Variants in GIT2 observed in about 807,000 individuals in gnomAD.
GIT2 encodes ARF GTPase-activating protein GIT2.
GIT2 carries 32 observed loss-of-function variants against 100.3 expected under a neutral mutation model. The ratio of observed to expected loss-of-function variants is 0.32; its 90% CI spans 0.24 to 0.43. GIT2 has a LOEUF of 0.43. Among genes scored for constraint, GIT2 ranks in the 20% least tolerant of loss-of-function variants. The probability of loss-of-function intolerance (pLI) is 1.00; values close to 1 mark genes in which losing one functional copy is unlikely to be tolerated. For synonymous variants in GIT2, 353 were observed against 364.1 expected, an observed-to-expected ratio of 0.97 and a Z score of 0.35; for missense variants, 737 against 975.1, an observed-to-expected ratio of 0.76 and a Z score of 3.25.
chr12:109,950,272 C>T (rs1485332985), intron 14 of GIT2, among the ~76,000 whole-genome samples: 1 of 152,220 alleles, frequency 6.6e-6, no homozygotes, highest in Non-Finnish European at 1.5e-5. Context: ...GCCACGTCCT[C>T]AGGTCTTGAA....
chr12:109,984,427 TA>T (rs1030312082), intron 4 of GIT2, among the ~76,000 whole-genome samples: 36 of 150,612 alleles, frequency 2.4e-4, no homozygotes, highest in Middle Eastern at 3.4e-3. Context: ...AAATAAAAAA[TA>T]AAAAAAATTT....
chr12:109,936,639 G>A (rs560292268), intron 18 of GIT2, among the ~76,000 whole-genome samples: 78 of 152,258 alleles, frequency 5.1e-4, no homozygotes, highest in African/African-American at 1.8e-3. Flanking sequence ...AGGCTGAGGC[G>A]GGTAGATCAC....
At chr12:109,957,239 G>T (rs1879733477) in intron 12 of GIT2, among the ~76,000 whole-genome samples, 1 of 151,832 alleles carries the variant, frequency 6.6e-6, no homozygotes, top group African/African-American at 2.4e-5. Context: ...TTCCTGCTAG[G>T]ACCTGGTTAT....
rs1467024891 is a variant in GIT2, at chr12:109,943,772, G to A, written c.1731+1488C>T. On this transcript the variant is annotated intron_variant, in intron 16 of 19. Coordinates refer to ENST00000355312, the MANE Select transcript of GIT2 (RefSeq NM_057169.5). ...CACAATCATGGCTCACTGCAGCCTC[G>A]ATCTCTCATGGTGGGCTCAAGTGAT... Among the ~76,000 whole-genome samples the A allele has an allele frequency of 7.3e-5, 11 of 149,982 alleles. No homozygotes were observed. In the South Asian group the frequency reaches 1.9e-3, roughly 26 times the overall value.
At chr12:109,975,140 C>T (rs1040320074) in intron 7 of GIT2, among the ~76,000 whole-genome samples, 1 of 152,138 alleles carries the variant, frequency 6.6e-6, no homozygotes, top group African/African-American at 2.4e-5. Flanking sequence ...TGGTTTTTAA[C>T]TTATTACCTA....
At chr12:109,996,989 A>G (rs1385588391), upstream of GIT2, among the ~76,000 whole-genome samples, 2 of 151,590 alleles carry the variant, frequency 1.3e-5, no homozygotes, top group Admixed American at 1.3e-4. Flanking sequence ...AGGCGGGTGG[A>G]TCACGAGGTC....
chr12:109,977,512 A>AAAT (rs906227028), intron 7 of GIT2, among the ~76,000 whole-genome samples: 1 of 151,880 alleles, frequency 6.6e-6, no homozygotes, highest in African/African-American at 2.4e-5. Context: ...CCCTGTCTCA[A>AAAT]AATAATAATA....
At position 109,967,503 on chromosome 12, in the gene GIT2, T is replaced by A. The variant is rs543737456; in HGVS notation, c.719A>T (p.Asp240Val). Residue 240 changes from aspartate to valine, a missense_variant and splice_region_variant, in exon 8 of 20, where the codon GAT becomes GTT. By Grantham distance (152) the Asp-to-Val change is radical (BLOSUM62 -3). This residue lies in a region of GIT2 where 266 missense variants were observed against 376.2 expected (regional missense o/e 0.71). Transcript: ENST00000355312. ...TATAAAGTGCTGTCCATTTTTGTGA[T>A]CTGAAACAGAAACCAAGTCAAAGTT... ...LAFYLCGRKP[D>V]HKNGQHFIIP... The A allele has an allele frequency of 6.3e-7, 1 of 1,595,692 alleles. No individual in the cohort carries two copies. The highest frequency in any genetic ancestry group is 1.7e-5 in the Admixed American group (1 of 59,978).
intron 7 of GIT2, among the ~76,000 whole-genome samples, chr12:109,979,135 T>C (rs1305920627): frequency 3.3e-5 from 5 of 152,018 alleles, no homozygotes; most frequent in Non-Finnish European, 7.4e-5. Flanking sequence ...GCTGCTGCTA[T>C]TGCAGCCACA....
At position 109,948,172 on chromosome 12, in the gene GIT2, A is replaced by G. The variant is rs79279652; in HGVS notation, c.1393-668T>C. 31 of 979,092 alleles carry G rather than the reference A, an allele frequency of 3.2e-5. No homozygotes were observed. In the East Asian group the frequency reaches 3.3e-3, roughly 104 times the overall value. The allele number at this position is 979,092 out of a possible 1,614,324, so 60.7% of individuals were successfully genotyped here. ...AACCGGATCATGGTAAGTTTGCTAT[A>G]TTAACATATCACGAAGAAAACTGGA... is the stretch of plus-strand genomic sequence containing the variant. On this transcript the variant is annotated intron_variant, in intron 14 of 19. Transcript: ENST00000355312. The surrounding 1 kb of genome is among the most constrained non-coding windows in gnomAD (Gnocchi z 4.3).
chr12:109,973,892 A>C (rs944360833), intron 7 of GIT2, among the ~76,000 whole-genome samples: 10 of 151,926 alleles, frequency 6.6e-5, no homozygotes, highest in Admixed American at 6.6e-4. Context: ...AAATACAAAA[A>C]TGTGCCAGGC....
upstream of GIT2, chr12:109,999,936 C>T (rs1263204996): frequency 2.8e-5 from 16 of 567,266 alleles, no homozygotes; most frequent in African/African-American, 2.0e-4. The surrounding 1 kb of genome is among the most constrained non-coding windows in gnomAD (Gnocchi z 4.3). Flanking sequence ...TAATAGGACA[C>T]GTATCGAGTG....
At chr12:109,983,747 T>A in intron 4 of GIT2, 53 bp from the exon 5 acceptor site, 1 of 1,130,404 alleles carries the variant, frequency 8.8e-7, no homozygotes, top group Non-Finnish European at 1.3e-6. Context: ...TAAAGAATGA[T>A]GTCCTAGGGC....
intron 7 of GIT2, among the ~76,000 whole-genome samples, chr12:109,970,923 G>A (rs1265665333): frequency 1.3e-5 from 2 of 152,150 alleles, no homozygotes; most frequent in Non-Finnish European, 2.9e-5. Flanking sequence ...CTGAGTAGGT[G>A]AGACCACAGG....
chr12:109,982,041 T>G (rs1886402337), intron 6 of GIT2: 1 of 152,256 alleles, frequency 6.6e-6, no homozygotes, highest in African/African-American at 2.4e-5. Context: ...TACACCATAA[T>G]TTAATTGGCT....
Position 109,932,229 on chromosome 12 carries a change from G to C in GIT2, c.*749C>G, listed in dbSNP as rs981427113. On this transcript the variant is annotated 3_prime_UTR_variant, in exon 20 of 20. Transcript: ENST00000355312. ...GGGTGAGGGAGAGCACCTGACAATGGGTGGTGATGTGCGTGGAGCTCCTAC... is the reference window on the plus strand; with the variant it reads ...GGGTGAGGGAGAGCACCTGACAATGCGTGGTGATGTGCGTGGAGCTCCTAC... 9 of 152,242 alleles carry C rather than the reference G, an allele frequency of 5.9e-5. No individual in the cohort carries two copies. The highest frequency in any genetic ancestry group is 2.2e-4 in the African/African-American group (9 of 41,434). 9.4% of individuals were successfully genotyped at this position (152,242 alleles called of 1,614,324 possible). A position where few individuals can be genotyped will look rare whatever the true frequency, so the allele number is the denominator to read the frequency against.
At position 109,947,444 on chromosome 12, in the gene GIT2, G is replaced by C; in HGVS notation, c.1453C>G (p.Gln485Glu). Residue 485 changes from glutamine to glutamate, a missense_variant, in exon 15 of 20, where the codon CAG (glutamine) becomes GAG (glutamate). Physicochemically the swap from Gln to Glu is conservative, Grantham distance 29 (BLOSUM62 2). Transcript: ENST00000355312. The surrounding 1 kb of genome is among the most constrained non-coding windows in gnomAD (Gnocchi z 4.3). The stretch of plus-strand genomic sequence containing the variant: ...GTGTACTCAGAACCAGTTTGCACCT[G>C]ATATACATTGGTTGTGGCCTGTTTC... ...LRKQATTNVY[Q>E]VQTGSEYTDT... 6.2e-7 allele frequency: 1 copy of C among 1,613,310 alleles called. No individual in the cohort carries two copies. Among genetic ancestry groups the C allele is most frequent in the Non-Finnish European group, 8.5e-7 (1 of 1,179,182 alleles).
At chr12:109,969,916 T>A (rs965315177) in intron 7 of GIT2, among the ~76,000 whole-genome samples, 12 of 151,954 alleles carry the variant, frequency 7.9e-5, no homozygotes, top group Non-Finnish European at 8.8e-5. Context: ...CCACCATGCC[T>A]GGCTAATTTT....
intron 13 of GIT2, among the ~76,000 whole-genome samples, chr12:109,951,709 A>T (rs1877906371): frequency 6.6e-6 from 1 of 152,226 alleles, no homozygotes; most frequent in South Asian, 2.1e-4. Flanking sequence ...ATTAGAAAAG[A>T]GACAAAGATT....
Sources: allele counts gnomAD v4.1 joint callset (sites outside exome capture counted in the v4.1 genomes callset), GRCh38; gene constraint gnomAD v4.1.1; regional missense constraint gnomAD v4.1.1; non-coding constraint Gnocchi (gnomAD v3.1); transcripts MANE v1.5; gene names NCBI Gene and HGNC (gene_info 2026-07-23, HGNC 2026-07-21).